The following SSR1 variants were observed in gnomAD, a reference collection of about 807,000 sequenced individuals.
SSR1 encodes translocon-associated protein subunit alpha.
Under a neutral mutation model 36.1 loss-of-function variants are expected in SSR1, and 13 were observed. The observed-to-expected ratio is 0.36, with a 90% confidence interval of 0.23 to 0.57. The LOEUF is 0.57. Ranked by LOEUF, SSR1 falls within the 20% of genes least tolerant of loss-of-function variation. The probability of loss-of-function intolerance (pLI) is 0.81; values close to 1 mark genes in which losing one functional copy is unlikely to be tolerated. For synonymous variants in SSR1, 113 were observed against 118.9 expected, an observed-to-expected ratio of 0.95 and a Z score of 0.32; for missense variants, 291 against 338.5, an observed-to-expected ratio of 0.86 and a Z score of 1.10.
At chr6:7,309,793 G>A (rs1758147848) in intron 2 of SSR1, 124 bp downstream of exon 2, 1 of 793,264 alleles carries the variant, frequency 1.3e-6, no homozygotes, top group Non-Finnish European at 2.1e-6. Flanking sequence ...GCTGAACTGT[G>A]GGTCAATGAA....
At position 7,286,174 on chromosome 6, in the gene SSR1, G is replaced by C. The variant is rs557997436; in HGVS notation, c.*3690C>G. 1.8e-4 allele frequency: 28 copies of C among 152,088 alleles called. No individual in the cohort carries two copies. Among genetic ancestry groups the C allele is most frequent in the African/African-American group, 6.5e-4 (27 of 41,490 alleles). 9.4% of individuals were successfully genotyped at this position (152,088 alleles called of 1,614,324 possible). On this transcript the variant is annotated 3_prime_UTR_variant, in exon 8 of 8. Transcript: ENST00000244763. ...CACGTGATTGATGTTTAATAAATGA[G>C]TTCCCTTCCCCCTTTCTTAAACTGC...
intron 1 of SSR1, among the ~76,000 whole-genome samples, chr6:7,310,953 T>C (rs551902060): frequency 6.6e-6 from 1 of 152,186 alleles, no homozygotes; most frequent in Non-Finnish European, 1.5e-5. Context: ...TAAGTTCTAA[T>C]GTTCTATGTA....
Position 7,286,801 on chromosome 6 carries a change from C to T in SSR1, c.*3063G>A, listed in dbSNP as rs1450122434. On this transcript the variant is annotated 3_prime_UTR_variant, in exon 8 of 8. Transcript: ENST00000244763. ...TGACGGGCGCCTGTAATCCAAGCTA[C>T]TCAGGAGGCTGAGACAGGGAGAACT... The T allele has an allele frequency of 3.3e-5, 5 of 151,412 alleles. No homozygotes were observed. The highest frequency in any genetic ancestry group is 4.2e-4 in the South Asian group (2 of 4,802). The allele number at this position is 151,412 out of a possible 1,614,324, so 9.4% of individuals were successfully genotyped here.
Position 7,284,480 on chromosome 6 carries a change from A to G in SSR1, c.*5384T>C, listed in dbSNP as rs1757502914. 1 of 152,014 alleles carries G rather than the reference A, an allele frequency of 6.6e-6. No homozygotes were observed. Among genetic ancestry groups the G allele is most frequent in the Non-Finnish European group, 1.5e-5 (1 of 67,992 alleles). The allele number at this position is 152,014 out of a possible 1,614,324, so 9.4% of individuals were successfully genotyped here. The stretch of plus-strand genomic sequence containing the variant: ...CATCAAAGTCCATAAGGTACCATAT[A>G]CTCTTCCCCGCCCCATGCTTCATGG... On this transcript the variant is annotated 3_prime_UTR_variant, in exon 8 of 8. Transcript: ENST00000244763.
chr6:7,283,131 G>A lies in SSR1; in HGVS notation c.*6733C>T, dbSNP rs765734873. 1 of 152,240 alleles carries A rather than the reference G, an allele frequency of 6.6e-6. No homozygotes were observed. The allele number at this position is 152,240 out of a possible 1,614,324, so 9.4% of individuals were successfully genotyped here. A position where few individuals can be genotyped will look rare whatever the true frequency, so the allele number is the denominator to read the frequency against. On this transcript the variant is annotated 3_prime_UTR_variant, in exon 8 of 8. Transcript: ENST00000244763. The stretch of plus-strand genomic sequence containing the variant: ...GTCTCACTCTGTCACCCAGGCTGGA[G>A]TGCAGTGGTGCAACCTTGACTCACT...
Position 7,298,779 on chromosome 6 carries a change from A to G in SSR1, c.588T>C (p.Val196=). Residue 196 remains valine, a synonymous_variant, in exon 5 of 8, where the codon GTT becomes GTC. Coordinates refer to ENST00000244763, the MANE Select transcript of SSR1 (RefSeq NM_003144.5). The part of the protein sequence containing the change: ...QDAVFNQTVT[V]IEREDGLDGE... ...CATCTAACCCATCCTCTCTTTCAATAACTGTAACTGTTTGATTGAAGACTG... is the reference window on the plus strand; with the variant it reads ...CATCTAACCCATCCTCTCTTTCAATGACTGTAACTGTTTGATTGAAGACTG... 1 of 1,613,416 alleles carries G rather than the reference A, an allele frequency of 6.2e-7. No homozygotes were observed. The highest frequency in any genetic ancestry group is 2.2e-5 in the East Asian group (1 of 44,832).
intron 3 of SSR1, 129 bp downstream of exon 3, chr6:7,303,421 A>G (rs1288504644): frequency 5.5e-6 from 3 of 550,188 alleles, no homozygotes; most frequent in Non-Finnish European, 9.7e-6. Flanking sequence ...TATTGTGTCT[A>G]TATCACCTAC....
intron 2 of SSR1, among the ~76,000 whole-genome samples, chr6:7,306,877 A>G (rs1208391719): frequency 1.4e-5 from 2 of 140,424 alleles, no homozygotes. Flanking sequence ...GATCCACGCC[A>G]CTGCACTCCA....
In SSR1 at chr6:7,283,094, T is replaced by C. The variant is rs1371568136; in HGVS notation, c.*6770A>G. 1 of 152,208 alleles carries C rather than the reference T, an allele frequency of 6.6e-6. No individual in the cohort carries two copies. The highest frequency in any genetic ancestry group is 2.4e-5 in the African/African-American group (1 of 41,444). The allele number at this position is 152,208 out of a possible 1,614,324, so 9.4% of individuals were successfully genotyped here. On this transcript the variant is annotated 3_prime_UTR_variant, in exon 8 of 8. Transcript: ENST00000244763. ...CTTTTACTTATTATTTATGTACTTATTTTTTGAGACAGTCTCACTCTGTCA... is the reference window on the plus strand; with the variant it reads ...CTTTTACTTATTATTTATGTACTTACTTTTTGAGACAGTCTCACTCTGTCA...
Position 7,288,101 on chromosome 6 carries a change from G to A in SSR1, c.*1763C>T, listed in dbSNP as rs1309501316. ...AGTACCAGGTATTCCATAAAACTCT[G>A]TAGAGGCCATTTACATTTCGTAAAT... On this transcript the variant is annotated 3_prime_UTR_variant, in exon 8 of 8. Coordinates refer to ENST00000244763, the MANE Select transcript of SSR1 (RefSeq NM_003144.5). 2 of 152,166 alleles carry A rather than the reference G, an allele frequency of 1.3e-5. No homozygotes were observed. Among genetic ancestry groups the A allele is most frequent in the Non-Finnish European group, 2.9e-5 (2 of 68,030 alleles). The allele number at this position is 152,166 out of a possible 1,614,324, so 9.4% of individuals were successfully genotyped here.
At chr6:7,301,618 G>A (rs746398045) in intron 3 of SSR1, 46 bp from the exon 4 acceptor site, 3 of 1,548,222 alleles carry the variant, frequency 1.9e-6, no homozygotes, top group Non-Finnish European at 2.6e-6. Flanking sequence ...CATGGAAAGA[G>A]CACAAAATAT....
Position 7,288,912 on chromosome 6 carries a change from T to C in SSR1, c.*952A>G, listed in dbSNP as rs1757615455. 1 of 152,198 alleles carries C rather than the reference T, an allele frequency of 6.6e-6. No individual in the cohort carries two copies. Among genetic ancestry groups the C allele is most frequent in the Non-Finnish European group, 1.5e-5 (1 of 68,018 alleles). The allele number at this position is 152,198 out of a possible 1,614,324, so 9.4% of individuals were successfully genotyped here. On this transcript the variant is annotated 3_prime_UTR_variant, in exon 8 of 8. Transcript: ENST00000244763. ...CTGCTTTAAAAATATCCAACTCACT[T>C]TCTTCATTGATTAGGAGTAACTGGG...
In SSR1 at chr6:7,288,604, A is replaced by G. The variant is rs2113268364; in HGVS notation, c.*1260T>C. ...CTAAAATTTGACTTAACATTTTCTT[A>G]TAAAATACATGTAGGAGAATATGGC... On this transcript the variant is annotated 3_prime_UTR_variant, in exon 8 of 8. Coordinates refer to ENST00000244763, the MANE Select transcript of SSR1 (RefSeq NM_003144.5). 1 of 152,758 alleles carries G rather than the reference A, an allele frequency of 6.5e-6. No individual in the cohort carries two copies. The allele number at this position is 152,758 out of a possible 1,614,324, so 9.5% of individuals were successfully genotyped here.
At chr6:7,306,412 G>C (rs1403431990) in intron 2 of SSR1, among the ~76,000 whole-genome samples, 2 of 151,860 alleles carry the variant, frequency 1.3e-5, no homozygotes, top group African/African-American at 2.4e-5. Flanking sequence ...CAAAGTGCTG[G>C]GAGTACAGGC....
intron 1 of SSR1, 140 bp downstream of exon 1, chr6:7,312,902 G>C: frequency 1.2e-6 from 1 of 833,438 alleles, no homozygotes; most frequent in Non-Finnish European, 1.9e-6. Context: ...ACGAGCCTAG[G>C]CTTGGGGAGA....
At chr6:7,297,266 T>C (rs1026917271) in intron 6 of SSR1, 2 of 158,730 alleles carry the variant, frequency 1.3e-5, no homozygotes, top group African/African-American at 4.9e-5. Context: ...AAAGCTAGGT[T>C]ACTTGCAGAT....
At chr6:7,306,582 A>C (rs1045462557) in intron 2 of SSR1, among the ~76,000 whole-genome samples, 1 of 152,100 alleles carries the variant, frequency 6.6e-6, no homozygotes, top group African/African-American at 2.4e-5. Flanking sequence ...ATTGCGACCC[A>C]GTTTTATAGA....
At chr6:7,312,084 C>T (rs571540181) in intron 1 of SSR1, among the ~76,000 whole-genome samples, 7 of 152,316 alleles carry the variant, frequency 4.6e-5, no homozygotes, top group Admixed American at 2.6e-4. Flanking sequence ...ACCGTTAAGA[C>T]ACACAGCTTG....
At chr6:7,295,124 A>T in intron 7 of SSR1, 7 of 1,517,830 alleles carry the variant, frequency 4.6e-6, no homozygotes, top group Non-Finnish European at 6.1e-6. Context: ...GAAAGAAAAG[A>T]GACAGGAAAT....
Sources: gnomAD v4.1 joint callset for allele counts (sites outside exome capture counted in the v4.1 genomes callset) on GRCh38, gnomAD v4.1.1 for gene constraint, MANE v1.5 for transcripts, NCBI Gene and HGNC (gene_info 2026-07-23, HGNC 2026-07-21) for gene names.